The following PCSK5 variants were observed in gnomAD, a reference collection of about 807,000 sequenced individuals.
The protein encoded by PCSK5 is proprotein convertase subtilisin/kexin type 5.
In PCSK5, 129 loss-of-function variants were observed where a neutral mutation model predicts 233.2. The ratio of observed to expected loss-of-function variants is 0.55; its 90% CI spans 0.48 to 0.64. PCSK5 has a LOEUF of 0.64. Ranked by LOEUF, PCSK5 falls within the 30% of genes least tolerant of loss-of-function variation. PCSK5 has a pLI of 0.00. For missense variants in PCSK5, 2,076 were observed against 2,430.1 expected (o/e 0.85, Z 3.06); for synonymous variants, 825 against 879.2 (o/e 0.94, Z 1.09).
chr9:76,227,105 A>G (rs1455082604), intron 20 of PCSK5, among the ~76,000 whole-genome samples: 4 of 152,124 alleles, frequency 2.6e-5, no homozygotes, highest in African/African-American at 9.7e-5. Flanking sequence ...GTTCCTGCTC[A>G]TTGCTTGACT....
intron 24 of PCSK5, among the ~76,000 whole-genome samples, chr9:76,273,367 A>G (rs1348040650): frequency 6.6e-6 from 1 of 151,916 alleles, no homozygotes; most frequent in Non-Finnish European, 1.5e-5. Context: ...CCTGACTCTG[A>G]GCTAAGTATT....
chr9:76,174,236 C>T (rs775654119), intron 13 of PCSK5, among the ~76,000 whole-genome samples: 1 of 151,884 alleles, frequency 6.6e-6, no homozygotes, highest in African/African-American at 2.4e-5. Flanking sequence ...ATTGAATGAC[C>T]GATACCAGGA....
At chr9:76,053,791 A>G (rs1829721369) in intron 5 of PCSK5, among the ~76,000 whole-genome samples, 1 of 152,112 alleles carries the variant, frequency 6.6e-6, no homozygotes, top group Admixed American at 6.5e-5. Flanking sequence ...TGAGCCCTCC[A>G]AGTCTCTAGG....
chr9:76,344,101 A>C (rs2131506483), intron 35 of PCSK5, among the ~76,000 whole-genome samples: 1 of 152,334 alleles, frequency 6.6e-6, no homozygotes, highest in African/African-American at 2.4e-5. Flanking sequence ...AGCACAACTC[A>C]AGTTGCACTA....
intron 10 of PCSK5, among the ~76,000 whole-genome samples, chr9:76,142,397 A>C (rs1432298004): frequency 6.6e-6 from 1 of 152,128 alleles, no homozygotes; most frequent in African/African-American, 2.4e-5. Context: ...AACCCTGAAG[A>C]ATAAGGGAGC....
At chr9:76,161,142 G>A (rs187441960) in intron 12 of PCSK5, among the ~76,000 whole-genome samples, 12 of 152,156 alleles carry the variant, frequency 7.9e-5, no homozygotes, top group Admixed American at 3.9e-4. Context: ...CAAATCTGAC[G>A]TCTTCCATTA....
chr9:75,902,085 G>A (rs1367932788), intron 1 of PCSK5, among the ~76,000 whole-genome samples: 3 of 151,564 alleles, frequency 2.0e-5, no homozygotes, highest in Non-Finnish European at 4.4e-5. Context: ...GTGTGGTGTC[G>A]AGCGTCTGTA....
At chr9:76,016,777 G>A (rs1380407111) in intron 3 of PCSK5, among the ~76,000 whole-genome samples, 1 of 152,184 alleles carries the variant, frequency 6.6e-6, no homozygotes, top group African/African-American at 2.4e-5. Flanking sequence ...GTCACAAAAT[G>A]TACAAATGAG....
intron 12 of PCSK5, among the ~76,000 whole-genome samples, chr9:76,166,284 G>T (rs1367675444): frequency 6.6e-6 from 1 of 152,198 alleles, no homozygotes; most frequent in African/African-American, 2.4e-5. Flanking sequence ...GAAGAGACCA[G>T]GGGGTGGAAA....
chr9:75,974,326 G>A (rs1380555501), intron 2 of PCSK5, among the ~76,000 whole-genome samples: 1 of 152,138 alleles, frequency 6.6e-6, no homozygotes, highest in African/African-American at 2.4e-5. Flanking sequence ...GCTATGACCC[G>A]CAAGTTTTGT....
rs62558854 is a variant in PCSK5 at position 76,087,490 on chromosome 9, A to G, written c.895-8400A>G. Among the ~76,000 whole-genome samples, 773 of 152,338 alleles carry G rather than the reference A, an allele frequency of 5.1e-3. 2 individuals are homozygous for G. The highest frequency in any genetic ancestry group is 6.8e-3 in the Non-Finnish European group (462 of 68,032). On this transcript the variant is annotated intron_variant, in intron 7 of 37. Transcript: ENST00000674117. ...ACCTGAAGTCCCTAAATTCAGTGCAACGTGCTCTCCATTCATGGACTAGGA... is the reference window on the plus strand; with the variant it reads ...ACCTGAAGTCCCTAAATTCAGTGCAGCGTGCTCTCCATTCATGGACTAGGA...
At chr9:76,318,515 C>T (rs956813167) in intron 30 of PCSK5, among the ~76,000 whole-genome samples, 1 of 152,098 alleles carries the variant, frequency 6.6e-6, no homozygotes, top group African/African-American at 2.4e-5. Flanking sequence ...ATCCATCCCT[C>T]ATCTCCCAAA....
intron 5 of PCSK5, among the ~76,000 whole-genome samples, chr9:76,029,044 C>G (rs1033630768): frequency 6.6e-6 from 1 of 152,104 alleles, no homozygotes; most frequent in Non-Finnish European, 1.5e-5. Context: ...AAAAGGCTGT[C>G]GATCACTCTG....
At chr9:76,169,495 C>G (rs115915747) in intron 12 of PCSK5, among the ~76,000 whole-genome samples, 2,743 of 151,770 alleles carry the variant, frequency 0.018, 81 homozygotes, top group African/African-American at 0.062. Flanking sequence ...ACATAGCCAG[C>G]CCCAATTCTG....
chr9:76,354,256 C>G, intron 37 of PCSK5, 37 bp downstream of exon 37: 1 of 1,501,162 alleles, frequency 6.7e-7, no homozygotes, highest in South Asian at 1.3e-5. Flanking sequence ...AGAGGAAGGG[C>G]ATGTCCTCAA....
chr9:75,892,928 T>A (rs897051055), intron 1 of PCSK5, among the ~76,000 whole-genome samples: 7 of 152,170 alleles, frequency 4.6e-5, no homozygotes, highest in Admixed American at 1.3e-4. Context: ...CAGCCAGATT[T>A]TGTTGCTTGA....
At chr9:75,983,749 C>T (rs751064560) in intron 2 of PCSK5, among the ~76,000 whole-genome samples, 1 of 152,168 alleles carries the variant, frequency 6.6e-6, no homozygotes, top group African/African-American at 2.4e-5. Flanking sequence ...AGTGTCTTTT[C>T]TTTGCATGAG....
intron 20 of PCSK5, chr9:76,205,318 C>A: frequency 2.0e-6 from 1 of 512,038 alleles, no homozygotes; most frequent in Non-Finnish European, 3.9e-6. Flanking sequence ...CCACACAGAA[C>A]ACAGCGTGAG....
At chr9:76,308,587 G>T in intron 28 of PCSK5, 58 bp from the exon 29 acceptor site, 1 of 956,932 alleles carries the variant, frequency 1.0e-6, no homozygotes. Flanking sequence ...TTTCAGTACT[G>T]GAATCCTATG....
Sources: allele counts gnomAD v4.1 joint callset (sites outside exome capture counted in the v4.1 genomes callset), GRCh38; gene constraint gnomAD v4.1.1; transcripts MANE v1.5; gene names NCBI Gene and HGNC (gene_info 2026-07-23, HGNC 2026-07-21).